PARD6G: variants seen among roughly 807,000 people sequenced by gnomAD.
PARD6G encodes the protein par-6 family cell polarity regulator gamma, also known as partitioning defective 6 homolog gamma.
In PARD6G, 7 loss-of-function variants were observed where a neutral mutation model predicts 10.7. The ratio of observed to expected loss-of-function variants is 0.66; its 90% CI spans 0.37 to 1.23. The LOEUF (loss-of-function observed/expected upper bound fraction) is 1.23, where lower values mean the gene tolerates loss of function less well. Among genes scored for constraint, PARD6G ranks in the 50% most tolerant of loss-of-function variants. The probability of loss-of-function intolerance (pLI) is 0.02; values close to 1 mark genes in which losing one functional copy is unlikely to be tolerated. For missense variants in PARD6G, 548 were observed against 571.8 expected (o/e 0.96, Z 0.42); for synonymous variants, 287 against 269.4 (o/e 1.07, Z -0.64).
chr18:80,159,950 C>T lies in PARD6G; in HGVS notation c.952G>A (p.Ala318Thr), dbSNP rs2052685001. ...EPARPPQTPG[A>T]PAGSLSRVNG... ...ACCCGGGAGAGGCTGCCTGCGGGCG[C>T]GCCCGGGGTCTGGGGGGGACGTGCA... The change falls in exon 3 of 3, where the codon GCG (alanine) becomes ACG (threonine). Residue 318 changes from alanine (A) to threonine (T), a missense_variant. By Grantham distance (58) the Ala-to-Thr change is moderately conservative. Coordinates refer to ENST00000353265, the MANE Select transcript of PARD6G (RefSeq NM_032510.4). 4.0e-6 allele frequency: 6 copies of T among 1,496,736 alleles called. No individual in the cohort carries two copies. Among genetic ancestry groups the T allele is most frequent in the African/African-American group, 2.9e-5 (2 of 69,952 alleles). 92.7% of individuals were successfully genotyped at this position (1,496,736 alleles called of 1,614,324 possible).
At position 80,189,791 on chromosome 18, in the gene PARD6G, G is replaced by C. The variant is rs764370651; in HGVS notation, c.295+12919C>G. Among the ~76,000 whole-genome samples the C allele has an allele frequency of 3.3e-5, 5 of 152,112 alleles. No homozygotes were observed. The highest frequency in any genetic ancestry group is 5.9e-5 in the Non-Finnish European group (4 of 68,024). Reference sequence around the variant, plus strand: ...GAAGGTCAAGCACCAAGCAGAACTCGATCAGTTTTTAAACACCTAGATAGA... The same window carrying C: ...GAAGGTCAAGCACCAAGCAGAACTCCATCAGTTTTTAAACACCTAGATAGA... On this transcript the variant is annotated intron_variant, in intron 2 of 2. Transcript: ENST00000353265. This position sits in a 1 kb window ranked among gnomAD's most constrained non-coding sequence, Gnocchi z 5.5.
chr18:80,173,173 T>C (rs952742388), intron 2 of PARD6G, among the ~76,000 whole-genome samples: 2 of 152,258 alleles, frequency 1.3e-5, no homozygotes, highest in Admixed American at 1.3e-4. Flanking sequence ...AGTACCACCA[T>C]GTTCAGCCAC....
In PARD6G at chr18:80,159,553, C is replaced by T. The variant is rs960146720; in HGVS notation, c.*218G>A. On this transcript the variant is annotated 3_prime_UTR_variant, in exon 3 of 3. Transcript: ENST00000353265. ...AAGGCGCCAAGACCTGCACTCAGGCCTGGTATAGAGTGTCTCTACAGGCGT... is the reference window on the plus strand; with the variant it reads ...AAGGCGCCAAGACCTGCACTCAGGCTTGGTATAGAGTGTCTCTACAGGCGT... 21 of 623,174 alleles carry T rather than the reference C, an allele frequency of 3.4e-5. No homozygotes were observed. Among genetic ancestry groups the T allele is most frequent in the Middle Eastern group, 9.6e-4 (2 of 2,084 alleles). The allele number at this position is 623,174 out of a possible 1,614,324, so 38.6% of individuals were successfully genotyped here. A position where few individuals can be genotyped will look rare whatever the true frequency, so the allele number is the denominator to read the frequency against.
intron 1 of PARD6G, among the ~76,000 whole-genome samples, chr18:80,243,901 A>C (rs1458233764): frequency 6.6e-6 from 1 of 152,100 alleles, no homozygotes; most frequent in Non-Finnish European, 1.5e-5. Flanking sequence ...CGTCTGAAGG[A>C]ACTCGGGGCT....
Position 80,192,604 on chromosome 18 carries a change from G to A in PARD6G, c.295+10106C>T, listed in dbSNP as rs1264776913. ...TCCACAATTGCCAAGGCAGCCCCAGGGACCTGTGTGGGGCTGTCATGACAC... is the reference window on the plus strand; with the variant it reads ...TCCACAATTGCCAAGGCAGCCCCAGAGACCTGTGTGGGGCTGTCATGACAC... On this transcript the variant is annotated intron_variant, in intron 2 of 2. Coordinates refer to ENST00000353265, the MANE Select transcript of PARD6G (RefSeq NM_032510.4). This position sits in a 1 kb window ranked among gnomAD's most constrained non-coding sequence, Gnocchi z 4.9. Among the ~76,000 whole-genome samples the A allele has an allele frequency of 6.6e-6, 1 of 152,144 alleles. No individual in the cohort carries two copies. Among genetic ancestry groups the A allele is most frequent in the Non-Finnish European group, 1.5e-5 (1 of 68,016 alleles).
At position 80,247,434 on chromosome 18, in the gene PARD6G, G is replaced by T. The variant is rs1286550097; in HGVS notation, c.-86C>A. On this transcript the variant is annotated 5_prime_UTR_variant, in exon 1 of 3. Coordinates refer to ENST00000353265, the MANE Select transcript of PARD6G (RefSeq NM_032510.4). This position sits in a 1 kb window ranked among gnomAD's most constrained non-coding sequence, Gnocchi z 4.2. The stretch of plus-strand genomic sequence containing the variant: ...CCGGGGGCGGCGCCCCCAGGCCCCG[G>T]CCCCGGCCCCGGCCCGCGCTCGCTT... The T allele has an allele frequency of 7.4e-6, 7 of 951,596 alleles. 1 individual carries two copies. In the East Asian group the frequency reaches 2.0e-4, roughly 27 times the overall value. The allele number at this position is 951,596 out of a possible 1,614,324, so 58.9% of individuals were successfully genotyped here. A position where few individuals can be genotyped will look rare whatever the true frequency, so the allele number is the denominator to read the frequency against.
rs1967564345 is a variant in PARD6G, at chr18:80,247,261, C to T, written c.72+16G>A. The T allele has an allele frequency of 6.4e-7, 1 of 1,564,676 alleles. No homozygotes were observed. The highest frequency in any genetic ancestry group is 8.7e-7 in the Non-Finnish European group (1 of 1,154,612). ...GAGACTGGGCGCAGGGCCGCCGGGG[C>T]GGGCGGGGGGCTTACCTTGCTCTTG... On this transcript the variant is annotated intron_variant, in intron 1 of 2. Transcript: ENST00000353265. This position sits in a 1 kb window ranked among gnomAD's most constrained non-coding sequence, Gnocchi z 4.2.
chr18:80,218,381 T>C (rs1195255419), intron 1 of PARD6G, among the ~76,000 whole-genome samples: 1 of 151,986 alleles, frequency 6.6e-6, no homozygotes, highest in Non-Finnish European at 1.5e-5. Flanking sequence ...ACAAAAGGGC[T>C]ACAGGCCCCA....
intron 1 of PARD6G, among the ~76,000 whole-genome samples, chr18:80,222,013 T>C (rs1304037033): frequency 6.6e-6 from 1 of 152,136 alleles, no homozygotes; most frequent in Non-Finnish European, 1.5e-5. Flanking sequence ...CAGAATATTG[T>C]TGAAAAAATA....
At chr18:80,224,727 G>A (rs1967271776) in intron 1 of PARD6G, among the ~76,000 whole-genome samples, 1 of 152,088 alleles carries the variant, frequency 6.6e-6, no homozygotes, top group South Asian at 2.1e-4. Flanking sequence ...GGCGCCTGTA[G>A]TCCCAGCTAC....
rs1464546975 is a variant in PARD6G, at chr18:80,158,512, T to C, written c.*1259A>G. 2 of 152,294 alleles carry C rather than the reference T, an allele frequency of 1.3e-5. No homozygotes were observed. Among genetic ancestry groups the C allele is most frequent in the African/African-American group, 2.4e-5 (1 of 41,464 alleles). The allele number at this position is 152,294 out of a possible 1,614,324, so 9.4% of individuals were successfully genotyped here. A position where few individuals can be genotyped will look rare whatever the true frequency, so the allele number is the denominator to read the frequency against. On this transcript the variant is annotated 3_prime_UTR_variant, in exon 3 of 3. Coordinates refer to ENST00000353265, the MANE Select transcript of PARD6G (RefSeq NM_032510.4). ...CAGAGCTGCTGCTTCCTACCCTGGATTTCCCCTTGAGGCTGAATGGGCCAC... is the reference window on the plus strand; with the variant it reads ...CAGAGCTGCTGCTTCCTACCCTGGACTTCCCCTTGAGGCTGAATGGGCCAC...
chr18:80,198,017 C>T (rs995164334), intron 2 of PARD6G, among the ~76,000 whole-genome samples: 2 of 152,218 alleles, frequency 1.3e-5, no homozygotes, highest in Non-Finnish European at 2.9e-5. Flanking sequence ...AAGCCCATGG[C>T]TTTTCACAGT....
At chr18:80,179,931 C>T (rs527695624) in intron 2 of PARD6G, among the ~76,000 whole-genome samples, 36 of 152,348 alleles carry the variant, frequency 2.4e-4, no homozygotes, top group African/African-American at 7.9e-4. Flanking sequence ...GTGCCATGAG[C>T]GTGCTGCCTG....
chr18:80,191,276 C>T (rs1278377929), intron 2 of PARD6G, among the ~76,000 whole-genome samples: 2 of 152,286 alleles, frequency 1.3e-5, no homozygotes, highest in South Asian at 2.1e-4. Context: ...GAGAAAATGT[C>T]GGGGCAGCAG....
At chr18:80,212,442 C>T (rs954339359) in intron 1 of PARD6G, among the ~76,000 whole-genome samples, 9 of 152,128 alleles carry the variant, frequency 5.9e-5, no homozygotes, top group Non-Finnish European at 5.9e-5. Context: ...ATGAAAGTGC[C>T]GGCCATATTT....
intron 1 of PARD6G, among the ~76,000 whole-genome samples, chr18:80,244,856 A>G (rs1474601335): frequency 6.6e-6 from 1 of 152,124 alleles, no homozygotes; most frequent in Non-Finnish European, 1.5e-5. Context: ...CTACAGTAAC[A>G]AATATTAACC....
intron 1 of PARD6G, among the ~76,000 whole-genome samples, chr18:80,208,182 C>G (rs1432551146): frequency 6.6e-6 from 1 of 152,122 alleles, no homozygotes; most frequent in African/African-American, 2.4e-5. Flanking sequence ...GCACCAAAAA[C>G]TTTATTTGTA....
chr18:80,198,135 C>T (rs542850282), intron 2 of PARD6G, among the ~76,000 whole-genome samples: 2 of 152,222 alleles, frequency 1.3e-5, no homozygotes, highest in Non-Finnish European at 2.9e-5. Flanking sequence ...AGAGAACGTC[C>T]GGAGAGAACG....
Position 80,159,886 on chromosome 18 carries a change from A to G in PARD6G, c.1016T>C (p.Leu339Pro), listed in dbSNP as rs958365511. ...CCGCTGGAGGCCGCCGTCCAGGGCC[A>G]GGTCCCGCTGCAGCCGCTGCGCCAG... ...AGLAQRLQRD[L>P]ALDGGLQRLL... Residue 339 changes from leucine to proline, a missense_variant, in exon 3 of 3, where the codon CTG becomes CCG. Transcript: ENST00000353265. 3 of 1,514,838 alleles carry G rather than the reference A, an allele frequency of 2.0e-6. No individual in the cohort carries two copies. Among genetic ancestry groups the G allele is most frequent in the Non-Finnish European group, 2.6e-6 (3 of 1,137,546 alleles). 93.8% of individuals were successfully genotyped at this position (1,514,838 alleles called of 1,614,324 possible).
Sources: gnomAD v4.1 joint callset for allele counts (sites outside exome capture counted in the v4.1 genomes callset) on GRCh38, gnomAD v4.1.1 for gene constraint, Gnocchi (gnomAD v3.1) non-coding constraint, MANE v1.5 for transcripts, NCBI Gene and HGNC (gene_info 2026-07-23, HGNC 2026-07-21) for gene names.